Variants in CASK observed in about 807,000 individuals in gnomAD.
CASK encodes calcium/calmodulin dependent serine protein kinase, also known as peripheral plasma membrane protein CASK.
Under a neutral mutation model 82.9 loss-of-function variants are expected in CASK, and 4 were observed. The ratio of observed to expected loss-of-function variants is 0.05; its 90% CI spans 0.02 to 0.11. CASK has a LOEUF of 0.11. Ranked by LOEUF, CASK falls within the 10% of genes least tolerant of loss-of-function variation. CASK has a pLI of 1.00. For missense variants in CASK, 358 were observed against 720.9 expected (o/e 0.50, Z 5.76); for synonymous variants, 259 against 253.5 (o/e 1.02, Z -0.20).
In CASK at chrX:41,672,591, G is replaced by A. The variant is rs780602938; in HGVS notation, c.430-1061C>T. Among the ~76,000 whole-genome samples the A allele has an allele frequency of 1.1e-3, 120 of 111,827 alleles. 1 individual carries two copies. In the Middle Eastern group the frequency reaches 0.023, roughly 21 times the overall value. Reference sequence around the variant, plus strand: ...CCAACATAATAGGTATAAAAAAAGGGTGCAATCATACTGAGCTGGTACACC... The same window carrying A: ...CCAACATAATAGGTATAAAAAAAGGATGCAATCATACTGAGCTGGTACACC... On this transcript the variant is annotated intron_variant, in intron 5 of 26. Coordinates refer to ENST00000378163, the MANE Select transcript of CASK (RefSeq NM_001367721.1).
intron 26 of CASK, among the ~76,000 whole-genome samples, chrX:41,521,712 C>A (rs1225865231): frequency 8.9e-6 from 1 of 111,968 alleles, no homozygotes; most frequent in Non-Finnish European, 1.9e-5. Flanking sequence ...AATTAACCAC[C>A]CCCTACCTGC....
chrX:41,541,497 T>C (rs2064945353), intron 22 of CASK, among the ~76,000 whole-genome samples: 1 of 112,653 alleles, frequency 8.9e-6, no homozygotes, highest in African/African-American at 3.2e-5. Context: ...TAGTAGTACA[T>C]AACCAGAAAT....
At chrX:41,799,379 A>C (rs748424724) in intron 2 of CASK, among the ~76,000 whole-genome samples, 14 of 111,148 alleles carry the variant, frequency 1.3e-4, no homozygotes, top group Non-Finnish European at 2.5e-4. Context: ...GTCTCTACTA[A>C]AAGTATAAAA....
At chrX:41,678,801 ATT>A (rs2067307126) in intron 5 of CASK, among the ~76,000 whole-genome samples, 1 of 111,837 alleles carries the variant, frequency 8.9e-6, no homozygotes, top group South Asian at 3.7e-4. Flanking sequence ...ACAATTAAAT[ATT>A]GTTACATTTG....
rs2064544869 is a variant in CASK at position 41,516,040 on chromosome X, A to C, written c.*4380T>G. On this transcript the variant is annotated 3_prime_UTR_variant, in exon 27 of 27. Coordinates refer to ENST00000378163, the MANE Select transcript of CASK (RefSeq NM_001367721.1). ...GGAGGGTCAGACGAGAGGTGGTGGG[A>C]GCTCAGGATTTTCTATTCCCACAAA... 9.0e-6 allele frequency: 1 copy of C among 111,625 alleles called. No homozygotes were observed. The highest frequency in any genetic ancestry group is 9.5e-5 in the Admixed American group (1 of 10,518). 9.2% of individuals were successfully genotyped at this position (111,625 alleles called of 1,213,427 possible).
At chrX:41,859,923 A>C (rs2071445549) in intron 1 of CASK, among the ~76,000 whole-genome samples, 1 of 111,547 alleles carries the variant, frequency 9.0e-6, no homozygotes, top group African/African-American at 3.3e-5. Context: ...CATTCATGGT[A>C]ACTTTATAGA....
chrX:41,623,404 A>G (rs1309671213), intron 10 of CASK, among the ~76,000 whole-genome samples: 1 of 111,791 alleles, frequency 8.9e-6, no homozygotes, highest in Non-Finnish European at 1.9e-5. Context: ...AAATGCATAG[A>G]GTATTACTCT....
chrX:41,533,932 AC>A (rs1836807191), intron 24 of CASK, among the ~76,000 whole-genome samples: 2 of 111,969 alleles, frequency 1.8e-5, no homozygotes, highest in Non-Finnish European at 3.8e-5. Context: ...TGCTGGAATT[AC>A]AGGCATGAGC....
At chrX:41,771,725 T>C (rs920805437) in intron 3 of CASK, among the ~76,000 whole-genome samples, 1 of 110,859 alleles carries the variant, frequency 9.0e-6, no homozygotes, top group African/African-American at 3.3e-5. Flanking sequence ...AATAGAATGA[T>C]AAAAATATTC....
At chrX:41,688,533 C>A (rs2067484294) in intron 5 of CASK, among the ~76,000 whole-genome samples, 1 of 111,427 alleles carries the variant, frequency 9.0e-6, no homozygotes, top group Admixed American at 9.6e-5. Flanking sequence ...GAAATCTCAT[C>A]TAGTCCTAAT....
At chrX:41,713,505 T>C (rs762035400) in intron 5 of CASK, among the ~76,000 whole-genome samples, 1 of 112,350 alleles carries the variant, frequency 8.9e-6, no homozygotes, top group Admixed American at 9.4e-5. Flanking sequence ...CATGTGGGAC[T>C]GGCTTTATGA....
At chrX:41,841,833 T>A in intron 2 of CASK, among the ~76,000 whole-genome samples, 1 of 112,047 alleles carries the variant, frequency 8.9e-6, no homozygotes, top group Non-Finnish European at 1.9e-5. Flanking sequence ...CTTTTTACTT[T>A]CTTGATAGTG....
chrX:41,893,625 T>C (rs1480989175), intron 1 of CASK, among the ~76,000 whole-genome samples: 1 of 112,140 alleles, frequency 8.9e-6, no homozygotes, highest in Non-Finnish European at 1.9e-5. Context: ...ACTTTTAAAC[T>C]GCCTGAACTT....
intron 3 of CASK, among the ~76,000 whole-genome samples, chrX:41,758,435 CAA>C (rs746659684): frequency 1.8e-4 from 8 of 43,470 alleles, no homozygotes; most frequent in Non-Finnish European, 1.6e-4. Flanking sequence ...GACTTCATCT[CAA>C]AAAAAAAAAA....
intron 22 of CASK, among the ~76,000 whole-genome samples, chrX:41,538,974 A>G (rs955175298): frequency 9.0e-6 from 1 of 111,596 alleles, no homozygotes; most frequent in Non-Finnish European, 1.9e-5. Context: ...AGGCCATATT[A>G]ACCACCCAGA....
chrX:41,641,174 C>CT (rs2066646873), intron 8 of CASK, among the ~76,000 whole-genome samples: 4 of 109,486 alleles, frequency 3.7e-5, no homozygotes, highest in Non-Finnish European at 5.7e-5. Context: ...TTAGTAGAGA[C>CT]GGAGTTTCAC....
intron 2 of CASK, among the ~76,000 whole-genome samples, chrX:41,809,752 G>A (rs935936487): frequency 2.7e-5 from 3 of 112,431 alleles, no homozygotes; most frequent in African/African-American, 9.7e-5. Flanking sequence ...TGACTTTGAC[G>A]AGTTGAGAGA....
chrX:41,882,698 A>C (rs1332257345), intron 1 of CASK, among the ~76,000 whole-genome samples: 1 of 111,353 alleles, frequency 9.0e-6, no homozygotes, highest in African/African-American at 3.3e-5. Flanking sequence ...ACCCTGGGTA[A>C]ACTGCATCAC....
chrX:41,900,664 G>T (rs1278102478), intron 1 of CASK, among the ~76,000 whole-genome samples: 2 of 64,293 alleles, frequency 3.1e-5, no homozygotes, highest in Non-Finnish European at 6.0e-5. Flanking sequence ...TTATTTTCCT[G>T]ATTTTGTTGT....
Sources: gnomAD v4.1 joint callset for allele counts (sites outside exome capture counted in the v4.1 genomes callset) on GRCh38, gnomAD v4.1.1 for gene constraint, MANE v1.5 for transcripts, NCBI Gene and HGNC (gene_info 2026-07-23, HGNC 2026-07-21) for gene names.